GPR158: variants seen among roughly 807,000 people sequenced by gnomAD.
The protein encoded by GPR158 is metabotropic glycine receptor.
GPR158 carries 30 observed loss-of-function variants against 78.2 expected under a neutral mutation model. The observed-to-expected ratio is 0.38, with a 90% confidence interval of 0.29 to 0.52. The LOEUF is 0.52. Among genes scored for constraint, GPR158 ranks in the 20% least tolerant of loss-of-function variants. GPR158 has a pLI of 0.83. For missense variants in GPR158, 1,463 were observed against 1,523.5 expected, an observed-to-expected ratio of 0.96 and a Z score of 0.66; for synonymous variants, 581 against 591.1, an observed-to-expected ratio of 0.98 and a Z score of 0.25.
intron 2 of GPR158, among the ~76,000 whole-genome samples, chr10:25,365,397 T>C (rs1855706230): frequency 6.6e-6 from 1 of 151,776 alleles, no homozygotes; most frequent in South Asian, 2.1e-4. Context: ...ATGCCCTTTA[T>C]TCTGTACTTG....
intron 2 of GPR158, among the ~76,000 whole-genome samples, chr10:25,331,103 T>A (rs891994229): frequency 6.6e-6 from 1 of 151,482 alleles, no homozygotes; most frequent in African/African-American, 2.4e-5. Flanking sequence ...TGCCTAGCTT[T>A]TATATATATA....
intron 5 of GPR158, among the ~76,000 whole-genome samples, chr10:25,487,429 C>T (rs1835749349): frequency 6.6e-6 from 1 of 152,190 alleles, no homozygotes; most frequent in African/African-American, 2.4e-5. Flanking sequence ...GCCGTAAATA[C>T]CAGGCCCTCA....
intron 1 of GPR158, among the ~76,000 whole-genome samples, chr10:25,185,208 G>C (rs985253494): frequency 6.6e-5 from 10 of 152,034 alleles, no homozygotes; most frequent in Non-Finnish European, 1.5e-4. Context: ...CTATTTCAAG[G>C]GTTCTGTATG....
chr10:25,344,227 G>A (rs1231274423), intron 2 of GPR158, among the ~76,000 whole-genome samples: 1 of 151,582 alleles, frequency 6.6e-6, no homozygotes, highest in Non-Finnish European at 1.5e-5. Context: ...ATTTCGCGTT[G>A]GGGCTAAAGA....
intron 2 of GPR158, among the ~76,000 whole-genome samples, chr10:25,233,040 G>C (rs764038327): frequency 6.6e-6 from 1 of 152,202 alleles, no homozygotes; most frequent in African/African-American, 2.4e-5. Context: ...AGCAGTTATT[G>C]TGCATGAAGT....
At chr10:25,455,757 C>T (rs1350013365) in intron 4 of GPR158, among the ~76,000 whole-genome samples, 2 of 152,114 alleles carry the variant, frequency 1.3e-5, no homozygotes, top group African/African-American at 2.4e-5. Context: ...ATTAATAATT[C>T]GCTGATAAGC....
intron 1 of GPR158, among the ~76,000 whole-genome samples, chr10:25,189,956 A>G (rs996448620): frequency 1.3e-5 from 2 of 151,456 alleles, no homozygotes; most frequent in Non-Finnish European, 2.9e-5. Context: ...ACAAATGAAG[A>G]TGAATGAACT....
In GPR158 at chr10:25,334,957, A is replaced by C. The variant is rs554608188; in HGVS notation, c.1009-60954A>C. Among the ~76,000 whole-genome samples, 18 of 152,178 alleles carry C rather than the reference A, an allele frequency of 1.2e-4. 1 individual carries two copies. The highest frequency in any genetic ancestry group is 4.4e-5 in the Non-Finnish European group (3 of 67,972). On this transcript the variant is annotated intron_variant, in intron 2 of 10. Transcript: ENST00000376351. The stretch of plus-strand genomic sequence containing the variant: ...ACGGGAATCAATGTGATGCTAAAGA[A>C]AGGTCAGGACAAAAGGATCTCATAG...
At chr10:25,255,151 T>G (rs757665969) in intron 2 of GPR158, among the ~76,000 whole-genome samples, 1 of 152,218 alleles carries the variant, frequency 6.6e-6, no homozygotes, top group Non-Finnish European at 1.5e-5. Flanking sequence ...GCTCTTTTAC[T>G]GAGAGCAACA....
chr10:25,572,510 A>G (rs561002682), intron 6 of GPR158, 139 bp from the exon 7 acceptor site: 2 of 700,108 alleles, frequency 2.9e-6, no homozygotes, highest in Non-Finnish European at 5.1e-6. Context: ...CTCTACAACA[A>G]AAACAAATAC....
intron 3 of GPR158, among the ~76,000 whole-genome samples, chr10:25,410,619 A>AATAT (rs1001801325): frequency 2.6e-5 from 4 of 152,116 alleles, no homozygotes; most frequent in Admixed American, 1.3e-4. Flanking sequence ...CCATCACAAA[A>AATAT]ATAAATAAAT....
At chr10:25,239,601 C>G (rs1229246818) in intron 2 of GPR158, among the ~76,000 whole-genome samples, 3 of 94,010 alleles carry the variant, frequency 3.2e-5, no homozygotes, top group South Asian at 3.8e-4. Flanking sequence ...GAGCGAGACT[C>G]TGTCTCAAAA....
chr10:25,396,591 G>A (rs999013986), intron 3 of GPR158, among the ~76,000 whole-genome samples: 5 of 151,880 alleles, frequency 3.3e-5, no homozygotes, highest in African/African-American at 1.2e-4. Context: ...TTGAGCTCAG[G>A]AGTTCAAAAC....
chr10:25,591,605 T>C (rs997140035), intron 8 of GPR158, among the ~76,000 whole-genome samples: 3 of 152,158 alleles, frequency 2.0e-5, no homozygotes, highest in African/African-American at 7.2e-5. Context: ...TGTGGACCTC[T>C]ATTACTTCTG....
At chr10:25,564,546 A>C (rs760571196) in intron 6 of GPR158, among the ~76,000 whole-genome samples, 8 of 152,194 alleles carry the variant, frequency 5.3e-5, no homozygotes, top group South Asian at 2.1e-4. Flanking sequence ...TGGGTAAAAC[A>C]AAAGCAAGCC....
chr10:25,472,822 T>C (rs1835527383), intron 5 of GPR158, among the ~76,000 whole-genome samples: 1 of 152,252 alleles, frequency 6.6e-6, no homozygotes, highest in Non-Finnish European at 1.5e-5. Context: ...GAGACTTTGC[T>C]GAAGTTGCTT....
chr10:25,458,513 C>T (rs751044727), intron 4 of GPR158, among the ~76,000 whole-genome samples: 5 of 152,158 alleles, frequency 3.3e-5, no homozygotes, highest in Admixed American at 6.6e-5. Flanking sequence ...ACTGATCAGC[C>T]GAGTGAGCTT....
rs147334424 is a variant in GPR158 at position 25,510,457 on chromosome 10, G to A, written c.1405-40519G>A. ...TACGTAAATGAGTACAAAGGTGATA[G>A]TAATATTATTTGGCAGCTTAGCCCA... On this transcript the variant is annotated intron_variant, in intron 5 of 10. Coordinates refer to ENST00000376351, the MANE Select transcript of GPR158 (RefSeq NM_020752.3). Among the ~76,000 whole-genome samples the A allele has an allele frequency of 2.5e-3, 376 of 152,264 alleles. 4 individuals are homozygous for A. Among genetic ancestry groups the A allele is most frequent in the African/African-American group, 8.7e-3 (361 of 41,534 alleles).
rs1852530150 is a variant in GPR158 at position 25,176,209 on chromosome 10, C to G, written c.789C>G (p.Phe263Leu). ...GGCTCGGCGGGGACAAGAGCCACTTCAAGTGGTCTCCGCCTTATCTGGAGT... is the reference window on the plus strand; with the variant it reads ...GGCTCGGCGGGGACAAGAGCCACTTGAAGTGGTCTCCGCCTTATCTGGAGT... ...KDGLGGDKSHFKWSPPYLECE... is the reference protein window; with the variant it reads ...KDGLGGDKSHLKWSPPYLECE... The change falls in exon 1 of 11, where the codon TTC becomes TTG. Residue 263 changes from phenylalanine to leucine, a missense_variant. Coordinates refer to ENST00000376351, the MANE Select transcript of GPR158 (RefSeq NM_020752.3). The surrounding 1 kb of genome is among the most constrained non-coding windows in gnomAD (Gnocchi z 6.3). The G allele has an allele frequency of 6.3e-7, 1 of 1,591,348 alleles. No individual in the cohort carries two copies. Among genetic ancestry groups the G allele is most frequent in the African/African-American group, 1.3e-5 (1 of 74,988 alleles).
Sources: gnomAD v4.1 joint callset for allele counts (sites outside exome capture counted in the v4.1 genomes callset) on GRCh38, gnomAD v4.1.1 for gene constraint, Gnocchi (gnomAD v3.1) non-coding constraint, MANE v1.5 for transcripts, NCBI Gene and HGNC (gene_info 2026-07-23, HGNC 2026-07-21) for gene names.